Variants in MYOF observed in about 807,000 individuals in gnomAD.
MYOF encodes fer-1-like 3, myoferlin.
Under a neutral mutation model 284.2 loss-of-function variants are expected in MYOF, and 244 were observed. The ratio of observed to expected loss-of-function variants is 0.86; its 90% CI spans 0.77 to 0.95. MYOF has a LOEUF of 0.95. MYOF is among the 40% of genes least tolerant of loss of function. The pLI, the probability that MYOF is intolerant of heterozygous loss-of-function variation, is 0.00. For missense variants in MYOF, 2,496 were observed against 2,560.6 expected (o/e 0.97, Z 0.54); for synonymous variants, 904 against 919.7 (o/e 0.98, Z 0.31).
intron 7 of MYOF, among the ~76,000 whole-genome samples, chr10:93,405,274 A>G (rs1847501216): frequency 6.6e-6 from 1 of 152,232 alleles, no homozygotes; most frequent in Admixed American, 6.5e-5. Flanking sequence ...CATCTAACAG[A>G]GTCAATTTTC....
intron 24 of MYOF, among the ~76,000 whole-genome samples, chr10:93,369,985 T>C (rs1443466948): frequency 1.3e-5 from 2 of 152,206 alleles, no homozygotes; most frequent in East Asian, 3.9e-4. Context: ...ATCCATAGAT[T>C]CCTGCCTGTC....
intron 31 of MYOF, 81 bp from the exon 32 acceptor site, chr10:93,353,969 CAT>C: frequency 5.3e-6 from 6 of 1,134,362 alleles, no homozygotes; most frequent in Non-Finnish European, 7.7e-6. Context: ...GGAAAAAATA[CAT>C]GTTTCTGATA....
chr10:93,425,130 A>C (rs532683477), intron 5 of MYOF, among the ~76,000 whole-genome samples: 1 of 151,672 alleles, frequency 6.6e-6, no homozygotes, highest in Non-Finnish European at 1.5e-5. Context: ...TATTAGAGAC[A>C]AGGTTTCACC....
chr10:93,370,390 C>T (rs1403791109), intron 24 of MYOF, among the ~76,000 whole-genome samples: 1 of 146,536 alleles, frequency 6.8e-6, no homozygotes. Context: ...CGGCTCACTG[C>T]ACCCTTGACC....
Position 93,329,749 on chromosome 10 carries a change from T to C in MYOF, c.4897A>G (p.Lys1633Glu). The stretch of plus-strand genomic sequence containing the variant: ...AGATCAATAATTGTTTCTCCTACTT[T>C]TTCATCCCGGGTAAAGGTGTCATAA... ...YDYDTFTRDE[K>E]VGETIIDLEN... The change falls in exon 44 of 54, where the codon AAA becomes GAA. Residue 1633 changes from lysine to glutamate, a missense_variant. Around this residue, in one of 3 missense-constraint regions of MYOF, gnomAD observed 2,436 missense variants for 2,480.7 expected, o/e 0.98. Coordinates refer to ENST00000359263, the MANE Select transcript of MYOF (RefSeq NM_013451.4). 1 of 1,614,208 alleles carries C rather than the reference T, an allele frequency of 6.2e-7. No individual in the cohort carries two copies. Among genetic ancestry groups the C allele is most frequent in the Non-Finnish European group, 8.5e-7 (1 of 1,180,032 alleles).
chr10:93,445,594 C>A (rs993168699), intron 3 of MYOF, among the ~76,000 whole-genome samples: 3 of 152,238 alleles, frequency 2.0e-5, no homozygotes, highest in Admixed American at 6.5e-5. Flanking sequence ...AGAGTCCACA[C>A]TGAACAAGGC....
In MYOF at chr10:93,351,196, C is replaced by A. The variant is rs763404935; in HGVS notation, c.3921+1G>T. The A allele has an allele frequency of 6.2e-7, 1 of 1,614,008 alleles. No homozygotes were observed. Among genetic ancestry groups the A allele is most frequent in the South Asian group, 1.1e-5 (1 of 91,078 alleles). ...TGAGTAACACGTGGGGAGCAGCATA[C>A]CTCAATGGCAGTGAGCTGGACCACA... On this transcript the variant is annotated splice_donor_variant, in intron 35 of 53. Coordinates refer to ENST00000359263, the MANE Select transcript of MYOF (RefSeq NM_013451.4). LOFTEE classifies it high-confidence loss of function.
chr10:93,423,237 C>T (rs930006840), intron 5 of MYOF, among the ~76,000 whole-genome samples: 1 of 151,888 alleles, frequency 6.6e-6, no homozygotes, highest in Admixed American at 6.6e-5. Context: ...CATGGACACA[C>T]AGAGAGGGGT....
chr10:93,382,060 A>T (rs1846146925), intron 19 of MYOF, among the ~76,000 whole-genome samples: 1 of 152,150 alleles, frequency 6.6e-6, no homozygotes, highest in African/African-American at 2.4e-5. Flanking sequence ...TATTTTAAGT[A>T]AATCTATTAA....
chr10:93,406,913 G>A (rs531118441), intron 7 of MYOF, among the ~76,000 whole-genome samples: 1 of 152,258 alleles, frequency 6.6e-6, no homozygotes, highest in South Asian at 2.1e-4. Flanking sequence ...AGTGTGGTAA[G>A]ACAGGCCTGG....
intron 1 of MYOF, among the ~76,000 whole-genome samples, chr10:93,469,569 C>T (rs528228007): frequency 6.6e-6 from 1 of 152,312 alleles, no homozygotes; most frequent in South Asian, 2.1e-4. Flanking sequence ...ATGTCCAGCT[C>T]AAAGGCACCA....
At chr10:93,475,029 G>A (rs779825668) in intron 1 of MYOF, among the ~76,000 whole-genome samples, 8 of 152,252 alleles carry the variant, frequency 5.3e-5, no homozygotes, top group South Asian at 4.1e-4. Flanking sequence ...GATTACAGGC[G>A]TGAGCCATCA....
chr10:93,315,593 A>G (rs74779207), intron 50 of MYOF, among the ~76,000 whole-genome samples: 12,444 of 152,174 alleles, frequency 0.082, 643 homozygotes, highest in African/African-American at 0.14. Flanking sequence ...CCAGCCAGAT[A>G]TAAAGGTGGG....
At chr10:93,446,492 A>G (rs1220181305) in intron 3 of MYOF, among the ~76,000 whole-genome samples, 1 of 152,174 alleles carries the variant, frequency 6.6e-6, no homozygotes, top group East Asian at 1.9e-4. Context: ...TGTACAGGAA[A>G]AGAATTGGCA....
At chr10:93,430,600 A>G (rs1380610666) in intron 4 of MYOF, among the ~76,000 whole-genome samples, 2 of 149,832 alleles carry the variant, frequency 1.3e-5, no homozygotes, top group African/African-American at 4.9e-5. Context: ...AAAAAAAAAA[A>G]GATTATGATA....
At chr10:93,339,932 A>G (rs1195461872) in intron 39 of MYOF, among the ~76,000 whole-genome samples, 1 of 152,086 alleles carries the variant, frequency 6.6e-6, no homozygotes, top group African/African-American at 2.4e-5. Context: ...ACAAAAAATT[A>G]GCCGGGCGAG....
intron 51 of MYOF, among the ~76,000 whole-genome samples, chr10:93,312,779 C>G (rs787665): frequency 0.83 from 127,032 of 152,148 alleles, 53,180 homozygotes; most frequent in East Asian, 0.9. Flanking sequence ...TGGGCTTCTA[C>G]TTTTTGACCA....
At chr10:93,425,399 G>A (rs539772133) in intron 5 of MYOF, among the ~76,000 whole-genome samples, 145 of 152,200 alleles carry the variant, frequency 9.5e-4, no homozygotes, top group African/African-American at 3.4e-3. Flanking sequence ...CACTGAGAGG[G>A]GGTCCGACTC....
intron 43 of MYOF, among the ~76,000 whole-genome samples, chr10:93,331,123 A>G (rs1409685126): frequency 6.6e-6 from 1 of 152,142 alleles, no homozygotes; most frequent in East Asian, 1.9e-4. Context: ...ACATCAATTA[A>G]TATCCTGTGG....
Sources: allele counts gnomAD v4.1 joint callset (sites outside exome capture counted in the v4.1 genomes callset), GRCh38; gene constraint gnomAD v4.1.1; regional missense constraint gnomAD v4.1.1; transcripts MANE v1.5; gene names NCBI Gene and HGNC (gene_info 2026-07-23, HGNC 2026-07-21).